SIK2: variants seen among roughly 807,000 people sequenced by gnomAD.
The protein encoded by SIK2 is serine/threonine-protein kinase SIK2.
SIK2 carries 29 observed loss-of-function variants against 103.2 expected under a neutral mutation model. The observed-to-expected ratio is 0.28, with a 90% CI of 0.21 to 0.38. The LOEUF (loss-of-function observed/expected upper bound fraction) is 0.38, where lower values mean the gene tolerates loss of function less well. Among genes scored for constraint, SIK2 ranks in the 10% least tolerant of loss-of-function variants. The pLI, the probability that SIK2 is intolerant of heterozygous loss-of-function variation, is 1.00. For missense variants in SIK2, 879 were observed against 1,171.0 expected (o/e 0.75, Z 3.64); for synonymous variants, 412 against 446.1 (o/e 0.92, Z 0.96).
chr11:111,614,798 C>T (rs1320287874), intron 1 of SIK2, among the ~76,000 whole-genome samples: 1 of 152,104 alleles, frequency 6.6e-6, no homozygotes, highest in Non-Finnish European at 1.5e-5. Context: ...TATTGGATAG[C>T]TTTTGGAAGC....
At chr11:111,620,221 G>A (rs745591214) in intron 2 of SIK2, 118 bp from the exon 3 acceptor site, 20 of 712,176 alleles carry the variant, frequency 2.8e-5, no homozygotes, top group African/African-American at 9.3e-5. Flanking sequence ...AGCCATCTTC[G>A]GAATTGTTCA....
intron 3 of SIK2, among the ~76,000 whole-genome samples, chr11:111,676,662 T>A (rs1341074695): frequency 6.6e-6 from 1 of 152,202 alleles, no homozygotes; most frequent in Non-Finnish European, 1.5e-5. Context: ...CTCAAATATT[T>A]GCTAAAAATG....
intron 2 of SIK2, among the ~76,000 whole-genome samples, chr11:111,617,683 G>A (rs1173658590): frequency 6.6e-6 from 1 of 152,116 alleles, no homozygotes; most frequent in Non-Finnish European, 1.5e-5. Flanking sequence ...GTGCTTGGGA[G>A]TATAAGAAGA....
At chr11:111,653,901 T>TAAAC (rs994510309) in intron 3 of SIK2, among the ~76,000 whole-genome samples, 1 of 152,262 alleles carries the variant, frequency 6.6e-6, no homozygotes. Flanking sequence ...CTATACAGTT[T>TAAAC]AAACACCTCT....
At chr11:111,639,257 A>AGCACCTCTAT (rs113180173) in intron 3 of SIK2, among the ~76,000 whole-genome samples, 3,670 of 152,310 alleles carry the variant, frequency 0.024, 93 homozygotes, top group African/African-American at 0.062. Flanking sequence ...AAGACTTAAT[A>AGCACCTCTAT]GCAGATTTCT....
chr11:111,725,951 A>C lies in SIK2; in HGVS notation c.*1822A>C, dbSNP rs1317481092. The stretch of plus-strand genomic sequence containing the variant: ...TTTTGTGATTTAATAACACACAGTG[A>C]AAATCCAGGAAGAATGAATTAAGCT... On this transcript the variant is annotated 3_prime_UTR_variant, in exon 15 of 15. Coordinates refer to ENST00000304987, the MANE Select transcript of SIK2 (RefSeq NM_015191.3). 3 of 152,246 alleles carry C rather than the reference A, an allele frequency of 2.0e-5. No individual in the cohort carries two copies. In the East Asian group the frequency reaches 5.8e-4, roughly 29 times the overall value. The allele number at this position is 152,246 out of a possible 1,614,324, so 9.4% of individuals were successfully genotyped here. A position where few individuals can be genotyped will look rare whatever the true frequency, so the allele number is the denominator to read the frequency against.
chr11:111,701,952 G>T lies in SIK2; in HGVS notation c.727+377G>T, dbSNP rs1943221391. Among the ~76,000 whole-genome samples, 1 of 152,088 alleles carries T rather than the reference G, an allele frequency of 6.6e-6. No individual in the cohort carries two copies. Among genetic ancestry groups the T allele is most frequent in the Admixed American group, 6.5e-5 (1 of 15,270 alleles). ...TTTTAATTAAATAAAAAGCCAAACTGGCAAAACTCTGCTAAATTCAGATGA... is the reference window on the plus strand; with the variant it reads ...TTTTAATTAAATAAAAAGCCAAACTTGCAAAACTCTGCTAAATTCAGATGA... On this transcript the variant is annotated intron_variant, in intron 6 of 14. Coordinates refer to ENST00000304987, the MANE Select transcript of SIK2 (RefSeq NM_015191.3). The surrounding 1 kb of genome is among the most constrained non-coding windows in gnomAD (Gnocchi z 4.2).
chr11:111,637,732 G>T (rs2135853521), intron 3 of SIK2, among the ~76,000 whole-genome samples: 1 of 152,094 alleles, frequency 6.6e-6, no homozygotes, highest in Non-Finnish European at 1.5e-5. Context: ...AAAGTGCTGG[G>T]ATTACAGGCA....
At chr11:111,679,894 G>A (rs1353908054) in intron 3 of SIK2, among the ~76,000 whole-genome samples, 7 of 152,208 alleles carry the variant, frequency 4.6e-5, no homozygotes, top group South Asian at 2.1e-4. Context: ...GGAGGCCGAG[G>A]TGGGCGGATC....
chr11:111,712,791 G>C (rs1449765349), intron 9 of SIK2, among the ~76,000 whole-genome samples: 4 of 152,136 alleles, frequency 2.6e-5, no homozygotes, highest in Non-Finnish European at 5.9e-5. Context: ...TTCTGCATAG[G>C]TACCTCAGGT....
chr11:111,717,255 G>A (rs896112933), intron 9 of SIK2, among the ~76,000 whole-genome samples: 1 of 131,056 alleles, frequency 7.6e-6, no homozygotes, highest in South Asian at 2.6e-4. Flanking sequence ...GGCAGAGCTT[G>A]CAGTGAGCTG....
chr11:111,620,296 C>T (rs1354288302), intron 2 of SIK2, 43 bp from the exon 3 acceptor site: 1 of 1,226,642 alleles, frequency 8.2e-7, no homozygotes, highest in Non-Finnish European at 1.2e-6. Context: ...TGGAAAATTC[C>T]AGTACATTTC....
At chr11:111,658,851 G>A (rs1408121613) in intron 3 of SIK2, among the ~76,000 whole-genome samples, 1 of 152,146 alleles carries the variant, frequency 6.6e-6, no homozygotes, top group Admixed American at 6.5e-5. Flanking sequence ...TGAGGTAATA[G>A]CAACAGAACT....
At position 111,638,877 on chromosome 11, in the gene SIK2, T is replaced by TTTTTG. The variant is rs1320104579; in HGVS notation, c.316+18491_316+18495dup. 1.5e-3 allele frequency among the ~76,000 whole-genome samples: 225 copies of TTTTTG among 152,304 alleles called. 2 individuals are homozygous for TTTTTG. The highest frequency in any genetic ancestry group is 5.2e-3 in the African/African-American group (216 of 41,576). ...TGTTTAATTTTTTGTTGTTGTTGTT[T>TTTTTG]TTTTGTTTTGTTTTGTTTTGGATGC... is the stretch of plus-strand genomic sequence containing the variant. On this transcript the variant is annotated intron_variant, in intron 3 of 14. Transcript: ENST00000304987.
intron 8 of SIK2, among the ~76,000 whole-genome samples, chr11:111,707,597 C>CA (rs1943385805): frequency 6.6e-6 from 1 of 152,278 alleles, no homozygotes; most frequent in African/African-American, 2.4e-5. Flanking sequence ...CCCCTCCTCT[C>CA]AGAGATTTCA....
intron 9 of SIK2, among the ~76,000 whole-genome samples, 200 bp from the exon 10 acceptor site, chr11:111,719,575 G>C (rs1262738206): frequency 6.6e-6 from 1 of 152,150 alleles, no homozygotes; most frequent in Non-Finnish European, 1.5e-5. Context: ...GTCATCATGG[G>C]CTTCTGTCTC....
chr11:111,645,185 T>C (rs913201280), intron 3 of SIK2, among the ~76,000 whole-genome samples: 4 of 152,138 alleles, frequency 2.6e-5, no homozygotes, highest in African/African-American at 9.7e-5. Context: ...AATTATTAAG[T>C]AAAATGAAAA....
At chr11:111,617,286 T>C (rs1591589374) in intron 2 of SIK2, among the ~76,000 whole-genome samples, 1 of 152,218 alleles carries the variant, frequency 6.6e-6, no homozygotes, top group East Asian at 1.9e-4. Context: ...TTTTCTCAAA[T>C]TTTTAACGAG....
intron 3 of SIK2, among the ~76,000 whole-genome samples, chr11:111,622,858 A>G (rs1411683975): frequency 1.3e-5 from 2 of 152,014 alleles, no homozygotes; most frequent in Non-Finnish European, 2.9e-5. Context: ...GGTTTCAACA[A>G]TTTCATTATG....
Sources: gnomAD v4.1 joint callset for allele counts (sites outside exome capture counted in the v4.1 genomes callset) on GRCh38, gnomAD v4.1.1 for gene constraint, Gnocchi (gnomAD v3.1) non-coding constraint, MANE v1.5 for transcripts, NCBI Gene and HGNC (gene_info 2026-07-23, HGNC 2026-07-21) for gene names.